Variants in CEP162 observed in about 807,000 individuals in gnomAD.
CEP162 encodes the protein centrosomal protein of 162 kDa.
Under a neutral mutation model 169.2 loss-of-function variants are expected in CEP162, and 141 were observed. The ratio of observed to expected loss-of-function variants is 0.83; its 90% CI spans 0.73 to 0.96. The LOEUF (loss-of-function observed/expected upper bound fraction) is 0.96, where lower values mean the gene tolerates loss of function less well. CEP162 is among the 40% of genes least tolerant of loss of function. The probability of loss-of-function intolerance (pLI) is 0.00; values close to 1 mark genes in which losing one functional copy is unlikely to be tolerated. For synonymous variants in CEP162, 540 were observed against 526.4 expected (o/e 1.03, Z -0.35); for missense variants, 1,600 against 1,587.2 (o/e 1.01, Z -0.14).
intron 13 of CEP162, among the ~76,000 whole-genome samples, chr6:84,180,238 A>C (rs1328531650): frequency 6.6e-6 from 1 of 152,206 alleles, no homozygotes; most frequent in Non-Finnish European, 1.5e-5. Context: ...AACCAAAGAC[A>C]AAAACCACAT....
At chr6:84,220,484 G>T (rs1295596796) in intron 3 of CEP162, among the ~76,000 whole-genome samples, 1 of 152,114 alleles carries the variant, frequency 6.6e-6, no homozygotes, top group Non-Finnish European at 1.5e-5. Context: ...AATTAGCCAG[G>T]CATGTTGGCA....
intron 25 of CEP162, among the ~76,000 whole-genome samples, chr6:84,128,935 T>C (rs1308071114): frequency 1.3e-5 from 2 of 149,208 alleles, no homozygotes. Flanking sequence ...AGTGAGAACA[T>C]GCGGTGTTTG....
intron 25 of CEP162, among the ~76,000 whole-genome samples, chr6:84,140,163 C>T: frequency 6.6e-6 from 1 of 152,146 alleles, no homozygotes; most frequent in East Asian, 1.9e-4. Flanking sequence ...ACCCAAGACA[C>T]AAGTGACAAG....
At chr6:84,220,290 A>C (rs1017147966) in intron 3 of CEP162, among the ~76,000 whole-genome samples, 5 of 152,154 alleles carry the variant, frequency 3.3e-5, no homozygotes, top group Non-Finnish European at 7.3e-5. Context: ...ACTGAAATAG[A>C]AGCAGTCGGG....
At chr6:84,167,795 C>T (rs570290914) in intron 18 of CEP162, among the ~76,000 whole-genome samples, 3 of 152,268 alleles carry the variant, frequency 2.0e-5, no homozygotes, top group Admixed American at 6.5e-5. Context: ...CTTTTTACCT[C>T]TCTCCACCCA....
chr6:84,172,531 T>C (rs566724805), intron 16 of CEP162, among the ~76,000 whole-genome samples: 1 of 152,264 alleles, frequency 6.6e-6, no homozygotes, highest in East Asian at 1.9e-4. Flanking sequence ...AACAAACATT[T>C]CCCCCTACTA....
At chr6:84,154,399 T>C (rs1420786604) in intron 22 of CEP162, among the ~76,000 whole-genome samples, 1 of 152,080 alleles carries the variant, frequency 6.6e-6, no homozygotes, top group East Asian at 1.9e-4. Flanking sequence ...TATCTATCTA[T>C]GTATCTATCT....
chr6:84,160,325 A>G (rs1476540970), intron 21 of CEP162, among the ~76,000 whole-genome samples: 3 of 152,186 alleles, frequency 2.0e-5, no homozygotes. Context: ...TGACCACAAA[A>G]TGAGTATTTC....
At chr6:84,190,960 C>T (rs907499132) in intron 11 of CEP162, among the ~76,000 whole-genome samples, 18 of 152,170 alleles carry the variant, frequency 1.2e-4, no homozygotes, top group Admixed American at 3.9e-4. Flanking sequence ...GGATTACAGG[C>T]GTAAGCCACC....
chr6:84,172,539 CT>C (rs1342775533), intron 16 of CEP162, among the ~76,000 whole-genome samples: 1 of 152,134 alleles, frequency 6.6e-6, no homozygotes, highest in Non-Finnish European at 1.5e-5. Context: ...TTTCCCCCTA[CT>C]ATTTAGACAC....
At chr6:84,159,523 T>A (rs867740109) in intron 21 of CEP162, among the ~76,000 whole-genome samples, 402 of 36,934 alleles carry the variant, frequency 0.011, 22 homozygotes, top group Middle Eastern at 0.032. Context: ...AATTAATTAT[T>A]TATATATATA....
Position 84,160,905 on chromosome 6 carries a change from C to T in CEP162, c.2688G>A (p.Leu896=). 6.2e-7 allele frequency: 1 copy of T among 1,607,492 alleles called. No individual in the cohort carries two copies. Among genetic ancestry groups the T allele is most frequent in the East Asian group, 2.2e-5 (1 of 44,822 alleles). Residue 896 remains leucine (L), a synonymous_variant, in exon 21 of 27, where the codon CTG becomes CTA. Transcript: ENST00000403245. The part of the protein sequence containing the change: ...IEKLKLEIEK[L]KAESGNPSIR... ...TAGATGGATTCCCAGATTCAGCTTT[C>T]AGTTTCTCAATCTGTCAATAAATAA...
chr6:84,184,764 C>G (rs2099536381), intron 13 of CEP162, among the ~76,000 whole-genome samples: 1 of 151,890 alleles, frequency 6.6e-6, no homozygotes, highest in East Asian at 1.9e-4. Context: ...CAAATGGTAT[C>G]TATAATCTAT....
At chr6:84,226,653 G>A (rs1161182243) in intron 1 of CEP162, among the ~76,000 whole-genome samples, 1 of 152,180 alleles carries the variant, frequency 6.6e-6, no homozygotes, top group African/African-American at 2.4e-5. Flanking sequence ...TGTACTCAAC[G>A]TTCAGAATTA....
rs1276436870 is a variant in CEP162 at position 84,160,995 on chromosome 6, T to C, written c.2677-79A>G. 15 of 949,706 alleles carry C rather than the reference T, an allele frequency of 1.6e-5. No homozygotes were observed. In the Admixed American group the frequency reaches 2.8e-4, roughly 17 times the overall value. 58.8% of individuals were successfully genotyped at this position (949,706 alleles called of 1,614,324 possible). On this transcript the variant is annotated intron_variant, in intron 20 of 26. Transcript: ENST00000403245. ...CTCCAAGGGGAAAGCATAATATTAG[T>C]GCACTCATACATTTATTAATTCCTC... is the stretch of plus-strand genomic sequence containing the variant.
intron 25 of CEP162, among the ~76,000 whole-genome samples, chr6:84,142,935 G>A (rs1390958248): frequency 6.6e-6 from 1 of 151,966 alleles, no homozygotes; most frequent in East Asian, 1.9e-4. Flanking sequence ...ATGTTTAATG[G>A]CTCATGAATT....
chr6:84,205,539 T>C (rs1017305729), intron 6 of CEP162, among the ~76,000 whole-genome samples: 9 of 152,190 alleles, frequency 5.9e-5, no homozygotes, highest in Admixed American at 5.9e-4. Context: ...CTAAAAACTC[T>C]TAATAAACTA....
intron 25 of CEP162, among the ~76,000 whole-genome samples, chr6:84,133,940 G>A (rs1001611952): frequency 2.0e-5 from 3 of 152,158 alleles, no homozygotes; most frequent in African/African-American, 4.8e-5. Context: ...CTTATGAGTC[G>A]CTCATGCTAG....
chr6:84,132,405 G>T (rs2099511962), intron 25 of CEP162, among the ~76,000 whole-genome samples: 2 of 152,132 alleles, frequency 1.3e-5, no homozygotes, highest in Non-Finnish European at 2.9e-5. Flanking sequence ...GCTAGGCTGG[G>T]GAAGTTCTCC....
Sources: allele counts gnomAD v4.1 joint callset (sites outside exome capture counted in the v4.1 genomes callset), GRCh38; gene constraint gnomAD v4.1.1; transcripts MANE v1.5; gene names NCBI Gene and HGNC (gene_info 2026-07-23, HGNC 2026-07-21).